RNF19A: variants seen among roughly 807,000 people sequenced by gnomAD.
The protein encoded by RNF19A is ring finger protein 19A, RBR E3 ubiquitin protein ligase, also known as E3 ubiquitin-protein ligase RNF19A.
RNF19A carries 32 observed loss-of-function variants against 75.7 expected under a neutral mutation model. The ratio of observed to expected loss-of-function variants is 0.42; its 90% CI spans 0.32 to 0.57. RNF19A has a LOEUF of 0.57. Ranked by LOEUF, RNF19A falls within the 20% of genes least tolerant of loss-of-function variation. The probability of loss-of-function intolerance (pLI) is 0.10; values close to 1 mark genes in which losing one functional copy is unlikely to be tolerated. For missense variants in RNF19A, 782 were observed against 1,036.3 expected, an observed-to-expected ratio of 0.75 and a Z score of 3.37; for synonymous variants, 335 against 345.2, an observed-to-expected ratio of 0.97 and a Z score of 0.33.
chr8:100,335,795 T>C (rs1822673192), intron 1 of RNF19A, among the ~76,000 whole-genome samples: 1 of 152,192 alleles, frequency 6.6e-6, no homozygotes, highest in Admixed American at 6.5e-5. Flanking sequence ...CTAAGGTAAC[T>C]GCTCTGCCCA....
Position 100,261,312 on chromosome 8 carries a change from G to A in RNF19A, c.1682+230C>T, listed in dbSNP as rs542119877. On this transcript the variant is annotated intron_variant, in intron 8 of 9. Transcript: ENST00000341084. This position sits in a 1 kb window ranked among gnomAD's most constrained non-coding sequence, Gnocchi z 4.4. The stretch of plus-strand genomic sequence containing the variant: ...GGGGTTTCGCCATGTTGCCCAGGCT[G>A]GTCTCGAACTCCTGAGCTCAGGCAA... Among the ~76,000 whole-genome samples, 4 of 152,110 alleles carry A rather than the reference G, an allele frequency of 2.6e-5. No individual in the cohort carries two copies. In the South Asian group the frequency reaches 8.3e-4, roughly 32 times the overall value.
chr8:100,270,190 C>T (rs1820187409), intron 3 of RNF19A, among the ~76,000 whole-genome samples, 177 bp from the exon 4 acceptor site: 3 of 151,996 alleles, frequency 2.0e-5, no homozygotes, highest in African/African-American at 7.3e-5. Context: ...AGAAAACATA[C>T]TTTACATTAA....
Position 100,257,422 on chromosome 8 carries a change from T to A in RNF19A, c.*1134A>T, listed in dbSNP as rs1330445389. 6.5e-6 allele frequency: 1 copy of A among 152,680 alleles called. No individual in the cohort carries two copies. The highest frequency in any genetic ancestry group is 2.4e-5 in the African/African-American group (1 of 41,462). 9.5% of individuals were successfully genotyped at this position (152,680 alleles called of 1,614,324 possible). The stretch of plus-strand genomic sequence containing the variant: ...CAGTATTTTGGCCAACTTCTGCTTA[T>A]GTCAGCTGAACATTGTCCATAAACA... On this transcript the variant is annotated 3_prime_UTR_variant, in exon 10 of 10. Transcript: ENST00000341084.
At position 100,324,982 on chromosome 8, in the gene RNF19A, C is replaced by G. The variant is rs1822513455; in HGVS notation, c.-243+11126G>C. On this transcript the variant is annotated intron_variant, in intron 1 of 3. Transcript: ENST00000519527. The surrounding 1 kb of genome is among the most constrained non-coding windows in gnomAD (Gnocchi z 4.2). ...AGTGCAATGGCACAACCTCAGCTTA[C>G]TGCAAACTCCACCTCCCAGGTTCAA... Among the ~76,000 whole-genome samples, 1 of 152,078 alleles carries G rather than the reference C, an allele frequency of 6.6e-6. No individual in the cohort carries two copies. Among genetic ancestry groups the G allele is most frequent in the African/African-American group, 2.4e-5 (1 of 41,374 alleles).
chr8:100,263,506 T>A (rs962234310), intron 7 of RNF19A, among the ~76,000 whole-genome samples: 2 of 152,200 alleles, frequency 1.3e-5, no homozygotes, highest in African/African-American at 4.8e-5. Context: ...TCTTTACACA[T>A]CTGCCTAATT....
chr8:100,309,893 G>C lies in RNF19A; in HGVS notation c.-120C>G, dbSNP rs1450133338. 1.0e-6 allele frequency: 1 copy of C among 985,624 alleles called. No individual in the cohort carries two copies. Among genetic ancestry groups the C allele is most frequent in the East Asian group, 1.1e-4 (1 of 8,828 alleles). The allele number at this position is 985,624 out of a possible 1,614,324, so 61.1% of individuals were successfully genotyped here. Reference sequence around the variant, plus strand: ...TTTAACTCCTCAGAGCGGCGGCAGCGCAGGGTGGCGGGCGAGTAGGCCCAT... The same window carrying C: ...TTTAACTCCTCAGAGCGGCGGCAGCCCAGGGTGGCGGGCGAGTAGGCCCAT... On this transcript the variant is annotated 5_prime_UTR_variant, in exon 1 of 10. Transcript: ENST00000341084.
intron 2 of RNF19A, among the ~76,000 whole-genome samples, chr8:100,282,997 G>T (rs1394094081): frequency 6.6e-6 from 1 of 152,218 alleles, no homozygotes; most frequent in Non-Finnish European, 1.5e-5. Flanking sequence ...GTAGCATACA[G>T]TCAGGCTGGT....
At chr8:100,291,962 T>C (rs939222040) in intron 1 of RNF19A, among the ~76,000 whole-genome samples, 1 of 132,818 alleles carries the variant, frequency 7.5e-6, no homozygotes. Context: ...GAAAGAGGAC[T>C]AAGTCTTTTT....
In RNF19A at chr8:100,320,420, G is replaced by T. The variant is rs149280701; in HGVS notation, c.-242-7048C>A. Among the ~76,000 whole-genome samples the T allele has an allele frequency of 1.3e-4, 20 of 152,322 alleles. 1 individual carries two copies. The highest frequency in any genetic ancestry group is 4.6e-4 in the African/African-American group (19 of 41,566). The stretch of plus-strand genomic sequence containing the variant: ...TGTATCTTCTTGCTCATGCAGGAGA[G>T]TTTCTCTAGGTTATATGCCTAGAAG... On this transcript the variant is annotated intron_variant, in intron 1 of 3. Transcript: ENST00000519527.
At position 100,258,550 on chromosome 8, in the gene RNF19A, A is replaced by G; in HGVS notation, c.*6T>C. The G allele has an allele frequency of 3.8e-6, 6 of 1,596,988 alleles. No individual in the cohort carries two copies. The highest frequency in any genetic ancestry group is 1.3e-5 in the African/African-American group (1 of 74,626). ...CAGTGGTAATTATTCTGCAGCATTT[A>G]TGGGCCTAAATTTCAGTCTGAATTG... is the stretch of plus-strand genomic sequence containing the variant. On this transcript the variant is annotated 3_prime_UTR_variant, in exon 10 of 10. Transcript: ENST00000341084. This position sits in a 1 kb window ranked among gnomAD's most constrained non-coding sequence, Gnocchi z 4.3.
In RNF19A at chr8:100,324,891, C is replaced by T. The variant is rs1390262973; in HGVS notation, c.-243+11217G>A. Among the ~76,000 whole-genome samples, 3 of 147,276 alleles carry T rather than the reference C, an allele frequency of 2.0e-5. No homozygotes were observed. Among genetic ancestry groups the T allele is most frequent in the South Asian group, 2.2e-4 (1 of 4,646 alleles). ...CTTTCTCTTTTTTTTCTTTCTTTCT[C>T]TCTCTCTCTTTCTCTCTTTCTTTCT... On this transcript the variant is annotated intron_variant, in intron 1 of 3. Transcript: ENST00000519527. This position sits in a 1 kb window ranked among gnomAD's most constrained non-coding sequence, Gnocchi z 4.2.
In RNF19A at chr8:100,287,864, T is replaced by G; in HGVS notation, c.311A>C (p.Asp104Ala). The change falls in exon 2 of 10, where the codon GAT (aspartate) becomes GCT (alanine). Residue 104 changes from aspartate (D) to alanine (A), a missense_variant. Physicochemically the swap from Asp to Ala is moderately radical, Grantham distance 126. Transcript: ENST00000341084. This position sits in a 1 kb window ranked among gnomAD's most constrained non-coding sequence, Gnocchi z 4.1. ...ATTTGTAGAGAAAATGGAGTTCTTA[T>G]CAGTACACATTTCAGAATGTATACT... is the stretch of plus-strand genomic sequence containing the variant. ...IESIHSEMCT[D>A]KNSIFSTNTS... 1.2e-6 allele frequency: 2 copies of G among 1,614,206 alleles called. No individual in the cohort carries two copies. The highest frequency in any genetic ancestry group is 2.2e-5 in the East Asian group (1 of 44,888).
chr8:100,329,262 C>T lies in RNF19A; in HGVS notation c.-243+6846G>A, dbSNP rs768274021. 2.6e-5 allele frequency among the ~76,000 whole-genome samples: 4 copies of T among 152,026 alleles called. No homozygotes were observed. Among genetic ancestry groups the T allele is most frequent in the Non-Finnish European group, 5.9e-5 (4 of 68,016 alleles). On this transcript the variant is annotated intron_variant, in intron 1 of 3. Transcript: ENST00000519527. This position sits in a 1 kb window ranked among gnomAD's most constrained non-coding sequence, Gnocchi z 4.3. The stretch of plus-strand genomic sequence containing the variant: ...GCACATATACATATACACACATACA[C>T]GTACACAAACACACACATTAGGACG...
chr8:100,298,698 G>C (rs1020374302), intron 1 of RNF19A, among the ~76,000 whole-genome samples: 9 of 152,062 alleles, frequency 5.9e-5, no homozygotes, highest in African/African-American at 1.9e-4. Flanking sequence ...TATTTGATTG[G>C]GAGAAGAACA....
At chr8:100,299,510 G>A (rs952222019) in intron 1 of RNF19A, among the ~76,000 whole-genome samples, 5 of 152,068 alleles carry the variant, frequency 3.3e-5, no homozygotes, top group African/African-American at 9.7e-5. Flanking sequence ...CTGTAATCCC[G>A]GCGCTTTGGG....
intron 2 of RNF19A, among the ~76,000 whole-genome samples, chr8:100,280,058 A>G (rs772785578): frequency 5.3e-5 from 8 of 152,216 alleles, no homozygotes; most frequent in Admixed American, 6.5e-5. Flanking sequence ...ACTTATAATC[A>G]TAATTCCTCC....
chr8:100,296,789 C>A (rs918416870), intron 1 of RNF19A, among the ~76,000 whole-genome samples: 1 of 149,784 alleles, frequency 6.7e-6, no homozygotes, highest in African/African-American at 2.6e-5. Context: ...CCAATTATAA[C>A]CTCAGTTAGA....
At chr8:100,311,447 G>A (rs1437916256), upstream of RNF19A, among the ~76,000 whole-genome samples, 6 of 152,214 alleles carry the variant, frequency 3.9e-5, no homozygotes, top group East Asian at 1.2e-3. Context: ...GGCCGGAATT[G>A]GTGGCTCACG....
rs1822394147 is a variant in RNF19A at position 100,317,127 on chromosome 8, G to GCACGCAGCCCAGCCCGGGTTC, written c.-242-3756_-242-3755insGAACCCGGGCTGGGCTGCGTG. The stretch of plus-strand genomic sequence containing the variant: ...CCGGAACTCCAGCTGGCCCGCAAGC[G>GCACGCAGCCCAGCCCGGGTTC]CCGCACGCAGCCCAGCCCGGGTTCC... On this transcript the variant is annotated intron_variant, in intron 1 of 3. Transcript: ENST00000519527. The surrounding 1 kb of genome is among the most constrained non-coding windows in gnomAD (Gnocchi z 4.3). Among the ~76,000 whole-genome samples the GCACGCAGCCCAGCCCGGGTTC allele has an allele frequency of 6.6e-6, 1 of 151,264 alleles. No individual in the cohort carries two copies. Among genetic ancestry groups the GCACGCAGCCCAGCCCGGGTTC allele is most frequent in the Admixed American group, 6.6e-5 (1 of 15,222 alleles).
Sources: gnomAD v4.1 joint callset for allele counts (sites outside exome capture counted in the v4.1 genomes callset) on GRCh38, gnomAD v4.1.1 for gene constraint, Gnocchi (gnomAD v3.1) non-coding constraint, MANE v1.5 for transcripts, NCBI Gene and HGNC (gene_info 2026-07-23, HGNC 2026-07-21) for gene names.